NEXMIF: variants seen among roughly 807,000 people sequenced by gnomAD.
NEXMIF encodes neurite extension and migration factor, also known as XLMR protein related to neurite extension.
A neutral mutation model predicts 62.1 loss-of-function variants in NEXMIF; 8 were observed. The ratio of observed to expected loss-of-function variants is 0.13; its 90% CI spans 0.08 to 0.23. The LOEUF (loss-of-function observed/expected upper bound fraction) is 0.23. Among genes scored for constraint, NEXMIF ranks in the 10% least tolerant of loss-of-function variants. NEXMIF has a pLI of 1.00. For synonymous variants in NEXMIF, 404 were observed against 416.6 expected (o/e 0.97, Z 0.37); for missense variants, 976 against 1,113.3 (o/e 0.88, Z 1.75).
intron 1 of NEXMIF, among the ~76,000 whole-genome samples, chrX:74,920,832 G>A (rs137982405): frequency 3.6e-3 from 396 of 111,280 alleles, no homozygotes; most frequent in African/African-American, 0.012. Flanking sequence ...TCAGGCCCAA[G>A]GTATAATTAA....
chrX:74,745,212 A>G (rs984505450), intron 2 of NEXMIF, among the ~76,000 whole-genome samples: 1 of 110,236 alleles, frequency 9.1e-6, no homozygotes, highest in South Asian at 3.9e-4. Flanking sequence ...CGAACTCCTG[A>G]CCTCAAATGA....
At chrX:74,865,037 A>G (rs2080572931) in intron 1 of NEXMIF, among the ~76,000 whole-genome samples, 1 of 111,912 alleles carries the variant, frequency 8.9e-6, no homozygotes, top group African/African-American at 3.2e-5. Context: ...GCAGTAGGAA[A>G]ATGGACTAAT....
At chrX:74,835,280 C>T (rs187767084) in intron 1 of NEXMIF, among the ~76,000 whole-genome samples, 12 of 112,036 alleles carry the variant, frequency 1.1e-4, no homozygotes, top group African/African-American at 3.9e-4. Flanking sequence ...GGTCACATAT[C>T]GCTGTTTCTT....
rs2147441334 is a variant in NEXMIF at position 74,743,633 on chromosome X, G to A, written c.924C>T (p.Cys308=). ...DDESTLGSDV[C]SLKIRYESFQ... ...AGGATTCATATCGAATTTTCAGGGA[G>A]CAGACATCACTGCCTAGTGTTGATT... The change falls in exon 3 of 4, where the codon TGC becomes TGT. Residue 308 remains cysteine (C), a synonymous_variant. Transcript: ENST00000055682. 9.1e-6 allele frequency: 11 copies of A among 1,211,281 alleles called. No homozygotes were observed. The highest frequency in any genetic ancestry group is 1.2e-5 in the Non-Finnish European group (11 of 894,976).
intron 1 of NEXMIF, among the ~76,000 whole-genome samples, chrX:74,841,712 C>CT (rs2080474529): frequency 9.0e-6 from 1 of 111,627 alleles, no homozygotes; most frequent in Non-Finnish European, 1.9e-5. Context: ...TTATCAAAGG[C>CT]TTTTTGTGCA....
intron 1 of NEXMIF, among the ~76,000 whole-genome samples, chrX:74,877,381 C>T (rs780128255): frequency 5.4e-5 from 6 of 111,764 alleles, no homozygotes; most frequent in African/African-American, 2.0e-4. Flanking sequence ...TGATGGGCTT[C>T]CCTTTGAGAG....
chrX:74,884,504 T>C (rs974247820), intron 1 of NEXMIF, among the ~76,000 whole-genome samples: 1 of 111,514 alleles, frequency 9.0e-6, no homozygotes, highest in African/African-American at 3.3e-5. Flanking sequence ...TCCTAGTCTC[T>C]GATAAAACAA....
intron 1 of NEXMIF, among the ~76,000 whole-genome samples, chrX:74,903,949 T>A (rs1479993613): frequency 9.2e-6 from 1 of 109,094 alleles, no homozygotes; most frequent in Non-Finnish European, 1.9e-5. Context: ...TGGGAATGGA[T>A]GTCTTGCCTC....
At chrX:74,840,193 G>T (rs2080469648) in intron 1 of NEXMIF, among the ~76,000 whole-genome samples, 1 of 111,708 alleles carries the variant, frequency 9.0e-6, no homozygotes. Context: ...TCATATGCTT[G>T]TTGGCTGCAT....
intron 1 of NEXMIF, among the ~76,000 whole-genome samples, chrX:74,844,552 C>T (rs773870284): frequency 2.5e-4 from 28 of 111,140 alleles, no homozygotes; most frequent in Non-Finnish European, 4.1e-4. Flanking sequence ...ACTCCCCTGG[C>T]GAGCCTCATG....
At chrX:74,820,794 T>G (rs1243393334) in intron 1 of NEXMIF, among the ~76,000 whole-genome samples, 1 of 111,663 alleles carries the variant, frequency 9.0e-6, no homozygotes, top group Non-Finnish European at 1.9e-5. Flanking sequence ...ATACCACATA[T>G]TCTCACTTAC....
In NEXMIF at chrX:74,738,837, T is replaced by TATATATATATACATATATATATAC. The variant is rs1215627162; in HGVS notation, c.*567_*568insGTATATATATATGTATATATATAT. Reference sequence around the variant, plus strand: ...CTTTAAAAGAACGTGTGTGTGTGTATATATATATATACATATATATACACA... The same window carrying TATATATATATACATATATATATAC: ...CTTTAAAAGAACGTGTGTGTGTGTATATATATATATACATATATATATACATATATATATACATATATATACACA... On this transcript the variant is annotated 3_prime_UTR_variant, in exon 4 of 4. Transcript: ENST00000055682. 5 of 107,089 alleles carry TATATATATATACATATATATATAC rather than the reference T, an allele frequency of 4.7e-5. No individual in the cohort carries two copies. Among genetic ancestry groups the TATATATATATACATATATATATAC allele is most frequent in the African/African-American group, 1.7e-4 (5 of 29,146 alleles). The allele number at this position is 107,089 out of a possible 1,213,427, so 8.8% of individuals were successfully genotyped here. A position where few individuals can be genotyped will look rare whatever the true frequency, so the allele number is the denominator to read the frequency against.
intron 1 of NEXMIF, among the ~76,000 whole-genome samples, chrX:74,773,415 A>G (rs2080217082): frequency 9.0e-6 from 1 of 111,358 alleles, no homozygotes; most frequent in East Asian, 2.8e-4. Context: ...CAAACCTAAC[A>G]TTGAGTTAGT....
intron 1 of NEXMIF, among the ~76,000 whole-genome samples, chrX:74,839,483 A>G (rs2080467262): frequency 9.0e-6 from 1 of 111,293 alleles, no homozygotes; most frequent in Non-Finnish European, 1.9e-5. Flanking sequence ...GTAACATGGG[A>G]GTTTGTTTTA....
intron 1 of NEXMIF, among the ~76,000 whole-genome samples, chrX:74,881,637 A>AC (rs1159257945): frequency 9.0e-6 from 1 of 111,475 alleles, no homozygotes; most frequent in Non-Finnish European, 1.9e-5. Context: ...AGCCAGTAGC[A>AC]CCCCCCAACC....
rs748654323 is a variant in NEXMIF, at chrX:74,739,428, G to A, written c.4528C>T (p.Arg1510Cys). The A allele has an allele frequency of 1.1e-5, 13 of 1,197,554 alleles. No individual in the cohort carries two copies. The highest frequency in any genetic ancestry group is 1.3e-5 in the Non-Finnish European group (12 of 888,960). Residue 1510 changes from arginine (R) to cysteine (C), a missense_variant, in exon 4 of 4, where the codon CGC becomes TGC. Around this residue, in one of 5 missense-constraint regions of NEXMIF, gnomAD observed 137 missense variants for 128.9 expected, o/e 1.06. Coordinates refer to ENST00000055682, the MANE Select transcript of NEXMIF (RefSeq NM_001008537.3). Reference protein sequence around the residue: ...WVLPVFEEETRIFQKDI With the variant: ...WVLPVFEEETCIFQKDI Reference sequence around the variant, plus strand: ...CATCAAATGTCTTTCTGGAAAATGCGAGTCTCTTCTTCAAACACAGGTAAA... The same window carrying A: ...CATCAAATGTCTTTCTGGAAAATGCAAGTCTCTTCTTCAAACACAGGTAAA...
intron 1 of NEXMIF, among the ~76,000 whole-genome samples, chrX:74,842,565 G>C (rs1483302883): frequency 1.8e-5 from 2 of 111,302 alleles, no homozygotes; most frequent in Non-Finnish European, 3.8e-5. Flanking sequence ...GCGATGTTAG[G>C]TTGTTAATTT....
At chrX:74,806,730 GT>G (rs1237927190) in intron 1 of NEXMIF, among the ~76,000 whole-genome samples, 1 of 112,563 alleles carries the variant, frequency 8.9e-6, no homozygotes, top group Non-Finnish European at 1.9e-5. Flanking sequence ...TACTTTTTAT[GT>G]TAATTTTTGT....
In NEXMIF at chrX:74,807,518, A is replaced by C. The variant is rs1265512610; in HGVS notation, c.-47-61821T>G. On this transcript the variant is annotated intron_variant, in intron 1 of 3. Transcript: ENST00000055682. ...TGCTTTGTCGCCTGGGCTGGAGTGC[A>C]GTGGCGCCATCTTGGCTCACTGCAA... Among the ~76,000 whole-genome samples, 4 of 109,838 alleles carry C rather than the reference A, an allele frequency of 3.6e-5. No individual in the cohort carries two copies. The Admixed American group carries it at 3.9e-4, about 11-fold the overall frequency.
Sources: gnomAD v4.1 joint callset for allele counts (sites outside exome capture counted in the v4.1 genomes callset) on GRCh38, gnomAD v4.1.1 for gene constraint, gnomAD v4.1.1 regional missense constraint, MANE v1.5 for transcripts, NCBI Gene and HGNC (gene_info 2026-07-23, HGNC 2026-07-21) for gene names.